The following GNAQ variants were observed in gnomAD, a reference collection of about 807,000 sequenced individuals.
The protein encoded by GNAQ is G protein subunit alpha q.
A neutral mutation model predicts 43.9 loss-of-function variants in GNAQ; 8 were observed. The observed-to-expected ratio is 0.18, with a 90% CI of 0.11 to 0.33. The LOEUF (loss-of-function observed/expected upper bound fraction) is 0.33, where lower values mean the gene tolerates loss of function less well. GNAQ is among the 10% of genes least tolerant of loss of function. GNAQ has a pLI of 1.00. For missense variants in GNAQ, 158 were observed against 450.8 expected (o/e 0.35, Z 5.88); for synonymous variants, 155 against 170.7 (o/e 0.91, Z 0.71).
At position 77,748,447 on chromosome 9, in the gene GNAQ, T is replaced by A. The variant is rs549493544; in HGVS notation, c.736-19780A>T. ...TCCCCTGATGCTCCCAATTAACTTTTAAGGACAAGCATGAAGCTTTGTAGA... is the reference window on the plus strand; with the variant it reads ...TCCCCTGATGCTCCCAATTAACTTTAAAGGACAAGCATGAAGCTTTGTAGA... On this transcript the variant is annotated intron_variant, in intron 5 of 6. Transcript: ENST00000286548. 7.2e-5 allele frequency among the ~76,000 whole-genome samples: 11 copies of A among 152,314 alleles called. No homozygotes were observed. In the East Asian group the frequency reaches 1.9e-3, roughly 27 times the overall value.
chr9:77,847,190 C>T (rs891031666), intron 2 of GNAQ, among the ~76,000 whole-genome samples: 4 of 152,182 alleles, frequency 2.6e-5, no homozygotes, highest in Middle Eastern at 3.2e-3. Context: ...AAACATCTCT[C>T]GCTCAGCCTT....
chr9:77,807,099 A>G (rs1655333615), intron 3 of GNAQ, among the ~76,000 whole-genome samples: 1 of 152,150 alleles, frequency 6.6e-6, no homozygotes, highest in African/African-American at 2.4e-5. Flanking sequence ...AGTTAACGTA[A>G]ACTAATTATA....
chr9:77,976,289 G>T (rs1437856173), intron 1 of GNAQ, among the ~76,000 whole-genome samples: 2 of 152,160 alleles, frequency 1.3e-5, no homozygotes, highest in Admixed American at 6.5e-5. Context: ...AGAACAACTG[G>T]GGTCAGGTGT....
intron 5 of GNAQ, among the ~76,000 whole-genome samples, chr9:77,737,498 C>T (rs1825591699): frequency 6.6e-6 from 1 of 152,188 alleles, no homozygotes; most frequent in African/African-American, 2.4e-5. Context: ...TAATTTGTTT[C>T]CCACAAGCTA....
chr9:77,804,560 C>T (rs1826795251), intron 3 of GNAQ, among the ~76,000 whole-genome samples: 1 of 152,134 alleles, frequency 6.6e-6, no homozygotes, highest in Non-Finnish European at 1.5e-5. Flanking sequence ...CCTCAGTAAT[C>T]ACACCAAAAG....
intron 1 of GNAQ, among the ~76,000 whole-genome samples, chr9:78,028,395 A>G (rs1234045798): frequency 6.6e-6 from 1 of 152,188 alleles, no homozygotes; most frequent in Non-Finnish European, 1.5e-5. Flanking sequence ...CCCAAATTTT[A>G]CTGCCATACT....
chr9:77,975,589 G>T (rs1407922075), intron 1 of GNAQ, among the ~76,000 whole-genome samples: 1 of 147,318 alleles, frequency 6.8e-6, no homozygotes, highest in African/African-American at 2.5e-5. Flanking sequence ...CAGCAGGCTG[G>T]AGGGCAGTGG....
intron 2 of GNAQ, among the ~76,000 whole-genome samples, chr9:77,821,176 GA>G (rs1827107562): frequency 6.6e-6 from 1 of 151,978 alleles, no homozygotes. Flanking sequence ...TCTATCATTA[GA>G]TTTTTATTTT....
chr9:77,919,907 C>T (rs753583128), intron 2 of GNAQ, among the ~76,000 whole-genome samples: 22 of 152,094 alleles, frequency 1.4e-4, no homozygotes, highest in Admixed American at 6.5e-4. Flanking sequence ...TTTGGGAGGC[C>T]GAAGCAGGCG....
At position 77,731,377 on chromosome 9, in the gene GNAQ, C is replaced by T. The variant is rs573188308; in HGVS notation, c.736-2710G>A. ...GCCCAGGGTGCTGCCCATCTGCACCCAGTACTGCTGCACTGGGGCTGCTCT... is the reference window on the plus strand; with the variant it reads ...GCCCAGGGTGCTGCCCATCTGCACCTAGTACTGCTGCACTGGGGCTGCTCT... On this transcript the variant is annotated intron_variant, in intron 5 of 6. Coordinates refer to ENST00000286548, the MANE Select transcript of GNAQ (RefSeq NM_002072.5). Among the ~76,000 whole-genome samples, 257 of 152,330 alleles carry T rather than the reference C, an allele frequency of 1.7e-3. 1 individual carries two copies. Among genetic ancestry groups the T allele is most frequent in the Non-Finnish European group, 2.6e-3 (175 of 68,030 alleles).
intron 5 of GNAQ, among the ~76,000 whole-genome samples, chr9:77,732,161 T>G (rs577988846): frequency 6.6e-6 from 1 of 152,304 alleles, no homozygotes; most frequent in Non-Finnish European, 1.5e-5. Context: ...TTGTGGCACC[T>G]GCTTTGCAGT....
intron 5 of GNAQ, among the ~76,000 whole-genome samples, chr9:77,768,939 G>A (rs1826176367): frequency 6.6e-6 from 1 of 152,194 alleles, no homozygotes. Flanking sequence ...TGATAACAAA[G>A]TAGAATGAGA....
At chr9:77,790,516 A>G (rs1030828) in intron 5 of GNAQ, among the ~76,000 whole-genome samples, 82,458 of 152,076 alleles carry the variant, frequency 0.54, 25,151 homozygotes, top group Middle Eastern at 0.69. Context: ...ATAGTTCAAA[A>G]TCAAATGAGC....
At chr9:78,002,883 T>C (rs763024943) in intron 1 of GNAQ, among the ~76,000 whole-genome samples, 9 of 152,144 alleles carry the variant, frequency 5.9e-5, no homozygotes, top group Non-Finnish European at 1.0e-4. Context: ...CGGTAGAAAA[T>C]GTCACATTTC....
At chr9:77,770,026 C>G (rs1387986712) in intron 5 of GNAQ, among the ~76,000 whole-genome samples, 1 of 152,120 alleles carries the variant, frequency 6.6e-6, no homozygotes, top group Non-Finnish European at 1.5e-5. Context: ...CAAGTAGCAG[C>G]TTTTCCTCAT....
chr9:77,770,751 G>C (rs1442036107), intron 5 of GNAQ, among the ~76,000 whole-genome samples: 1 of 152,024 alleles, frequency 6.6e-6, no homozygotes, highest in East Asian at 1.9e-4. Flanking sequence ...ATGGACCTCT[G>C]GTCACTTTAG....
intron 1 of GNAQ, among the ~76,000 whole-genome samples, chr9:77,924,954 G>A (rs1026106995): frequency 2.0e-5 from 3 of 151,694 alleles, no homozygotes; most frequent in African/African-American, 4.8e-5. Context: ...ACCAGAGAGC[G>A]GGACAAACAG....
In GNAQ at chr9:77,794,479, A is replaced by G; in HGVS notation, c.719T>C (p.Val240Ala). ...VALSEYDQVL[V>A]ESDNENRMEE... ...AACACTTACCTCATTGTCTGACTCCACGAGAACTTGATCATATTCACTAAG... is the reference window on the plus strand; with the variant it reads ...AACACTTACCTCATTGTCTGACTCCGCGAGAACTTGATCATATTCACTAAG... The change falls in exon 5 of 7, where the codon GTG (valine) becomes GCG (alanine). Residue 240 changes from valine to alanine, a missense_variant. Coordinates refer to ENST00000286548, the MANE Select transcript of GNAQ (RefSeq NM_002072.5). The G allele has an allele frequency of 6.3e-7, 1 of 1,599,744 alleles. No homozygotes were observed. Among genetic ancestry groups the G allele is most frequent in the Non-Finnish European group, 8.6e-7 (1 of 1,169,556 alleles).
In GNAQ at chr9:78,009,652, C is replaced by A. The variant is rs189172846; in HGVS notation, c.136+21448G>T. Among the ~76,000 whole-genome samples, 3 of 152,282 alleles carry A rather than the reference C, an allele frequency of 2.0e-5. No individual in the cohort carries two copies. The East Asian group carries it at 5.8e-4, about 29-fold the overall frequency. On this transcript the variant is annotated intron_variant, in intron 1 of 6. Transcript: ENST00000286548. The stretch of plus-strand genomic sequence containing the variant: ...ACAAAAATAGTTGTTTTTCCCTGAT[C>A]TAACTACAAATCTTATTGTAACAGG...
Sources: allele counts gnomAD v4.1 joint callset (sites outside exome capture counted in the v4.1 genomes callset), GRCh38; gene constraint gnomAD v4.1.1; transcripts MANE v1.5; gene names NCBI Gene and HGNC (gene_info 2026-07-23, HGNC 2026-07-21).